CRYBG2: variants seen among roughly 807,000 people sequenced by gnomAD.
CRYBG2 encodes the protein crystallin beta-gamma domain containing 2.
A neutral mutation model predicts 153.4 loss-of-function variants in CRYBG2; 106 were observed. The ratio of observed to expected loss-of-function variants is 0.69; its 90% CI spans 0.59 to 0.81. CRYBG2 has a LOEUF of 0.81. CRYBG2 is among the 30% of genes least tolerant of loss of function. The pLI is 0.00. For synonymous variants in CRYBG2, 851 were observed against 877.8 expected (o/e 0.97, Z 0.54); for missense variants, 1,996 against 2,112.0 (o/e 0.95, Z 1.08).
chr1:26,340,004 G>A (rs941675257), intron 5 of CRYBG2, among the ~76,000 whole-genome samples: 5 of 152,212 alleles, frequency 3.3e-5, no homozygotes, highest in African/African-American at 1.2e-4. Flanking sequence ...CAGGCCCATA[G>A]CCTTGCCTCT....
At position 26,345,638 on chromosome 1, in the gene CRYBG2, G is replaced by C; in HGVS notation, c.1020C>G (p.Leu340=). The part of the protein sequence containing the change: ...QVLGAPSSTE[L]PLQTSQGQAS... ...CTTGACCCTGAGAAGTCTGGAGAGG[G>C]AGCTCAGTGGAACTGGGGGCTCCCA... Residue 340 remains leucine (L), a synonymous_variant, in exon 2 of 20, where the codon CTC becomes CTG. Coordinates refer to ENST00000308182, the MANE Select transcript of CRYBG2 (RefSeq NM_001039775.4). The C allele has an allele frequency of 6.3e-7, 1 of 1,599,124 alleles. No individual in the cohort carries two copies. Among genetic ancestry groups the C allele is most frequent in the Non-Finnish European group, 8.5e-7 (1 of 1,179,788 alleles).
At chr1:26,329,077 C>G (rs956004263) in intron 15 of CRYBG2, among the ~76,000 whole-genome samples, 1 of 152,020 alleles carries the variant, frequency 6.6e-6, no homozygotes, top group Non-Finnish European at 1.5e-5. Context: ...GGCTGGGTCC[C>G]CAGTTTCCCC....
At chr1:26,347,307 T>G (rs2074236307) in intron 1 of CRYBG2, among the ~76,000 whole-genome samples, 1 of 143,992 alleles carries the variant, frequency 6.9e-6, no homozygotes, top group Non-Finnish European at 1.5e-5. Context: ...TTTTTTTTTT[T>G]TTGTGAGACA....
intron 18 of CRYBG2, among the ~76,000 whole-genome samples, chr1:26,323,505 G>A (rs1311279035): frequency 2.0e-5 from 3 of 152,132 alleles, no homozygotes; most frequent in Admixed American, 2.0e-4. Context: ...GCTTCAGGAC[G>A]GCAGGTGTCA....
intron 1 of CRYBG2, among the ~76,000 whole-genome samples, chr1:26,348,494 A>G (rs960907307): frequency 5.9e-5 from 9 of 152,142 alleles, no homozygotes; most frequent in Non-Finnish European, 1.2e-4. Context: ...CCAGGCTGCA[A>G]TGAGCTATGA....
chr1:26,343,698 C>A lies in CRYBG2; in HGVS notation c.2913+47G>T. Reference sequence around the variant, plus strand: ...CTCTTCACACCACTCAAGCCTTGACCCAGGTGAGGCCAGGCACCTCCCTTG... The same window carrying A: ...CTCTTCACACCACTCAAGCCTTGACACAGGTGAGGCCAGGCACCTCCCTTG... On this transcript the variant is annotated intron_variant, in intron 2 of 19. Coordinates refer to ENST00000308182, the MANE Select transcript of CRYBG2 (RefSeq NM_001039775.4). This position sits in a 1 kb window ranked among gnomAD's most constrained non-coding sequence, Gnocchi z 4.1. 1 of 1,438,942 alleles carries A rather than the reference C, an allele frequency of 6.9e-7. No individual in the cohort carries two copies. The allele number at this position is 1,438,942 out of a possible 1,614,324, so 89.1% of individuals were successfully genotyped here.
At chr1:26,339,832 C>A (rs559096550) in intron 5 of CRYBG2, among the ~76,000 whole-genome samples, 40 of 152,318 alleles carry the variant, frequency 2.6e-4, no homozygotes, top group African/African-American at 8.9e-4. Context: ...CTCCAAATAG[C>A]TTCTGAGAAA....
chr1:26,331,584 C>A lies in CRYBG2; in HGVS notation c.4219G>T (p.Asp1407Tyr). The change falls in exon 15 of 20, where the codon GAC becomes TAC. Residue 1407 changes from aspartate to tyrosine, a missense_variant. Physicochemically the swap from Asp to Tyr is radical, Grantham distance 160. Coordinates refer to ENST00000308182, the MANE Select transcript of CRYBG2 (RefSeq NM_001039775.4). ...TCGCCCTCAGAGAGAATGTGCTGGT[C>A]ACCCTCGAAGTTCGTCTCATCAAAC... is the stretch of plus-strand genomic sequence containing the variant. ...ILFDETNFEG[D>Y]QHILSEGEFP... The A allele has an allele frequency of 6.2e-7, 1 of 1,614,060 alleles. No homozygotes were observed. The highest frequency in any genetic ancestry group is 1.7e-5 in the Admixed American group (1 of 60,018).
chr1:26,334,819 C>A (rs911605597), intron 14 of CRYBG2, among the ~76,000 whole-genome samples: 3 of 151,558 alleles, frequency 2.0e-5, no homozygotes, highest in Admixed American at 1.3e-4. Flanking sequence ...GCTACTCAGG[C>A]GGCTGAAGCA....
intron 15 of CRYBG2, 102 bp downstream of exon 15, chr1:26,331,387 C>G (rs2073994679): frequency 6.6e-7 from 1 of 1,503,922 alleles, no homozygotes; most frequent in East Asian, 2.3e-5. Flanking sequence ...TCTAAAAACA[C>G]TGGAATCAAC....
chr1:26,349,316 G>A (rs1351313834), intron 1 of CRYBG2, among the ~76,000 whole-genome samples: 10 of 152,188 alleles, frequency 6.6e-5, no homozygotes, highest in East Asian at 5.8e-4. Context: ...CAGAGAAGAC[G>A]AGTGACTGGC....
Position 26,345,656 on chromosome 1 carries a change from G to T in CRYBG2, c.1002C>A (p.Ala334=), listed in dbSNP as rs750958122. ...RACELWQVLG[A]PSSTELPLQT... is the part of the protein sequence containing the mutation. ...GGAGAGGGAGCTCAGTGGAACTGGG[G>T]GCTCCCAGCACCTGCCAGAGCTCAC... The change falls in exon 2 of 20, where the codon GCC becomes GCA. Residue 334 remains alanine (A), a synonymous_variant. Coordinates refer to ENST00000308182, the MANE Select transcript of CRYBG2 (RefSeq NM_001039775.4). 1 of 1,598,802 alleles carries T rather than the reference G, an allele frequency of 6.3e-7. No homozygotes were observed. The highest frequency in any genetic ancestry group is 1.1e-5 in the South Asian group (1 of 91,072).
At chr1:26,348,527 G>T (rs72649368) in intron 1 of CRYBG2, among the ~76,000 whole-genome samples, 38,120 of 152,014 alleles carry the variant, frequency 0.25, 5,104 homozygotes, top group Non-Finnish European at 0.3. Flanking sequence ...ACTCCAGCCT[G>T]AGTGACAGAG....
intron 14 of CRYBG2, among the ~76,000 whole-genome samples, chr1:26,335,402 G>A (rs1187087736): frequency 6.6e-6 from 1 of 152,106 alleles, no homozygotes; most frequent in African/African-American, 2.4e-5. Context: ...GCTTGAACCT[G>A]GGAGGCGGAG....
chr1:26,339,244 C>A, intron 6 of CRYBG2, 46 bp downstream of exon 6: 1 of 1,589,756 alleles, frequency 6.3e-7, no homozygotes, highest in Non-Finnish European at 8.6e-7. Context: ...CAGCACCCAG[C>A]ACAGTGAATG....
chr1:26,341,749 G>A (rs1355083014), intron 5 of CRYBG2, among the ~76,000 whole-genome samples: 1 of 152,188 alleles, frequency 6.6e-6, no homozygotes, highest in Non-Finnish European at 1.5e-5. Flanking sequence ...GCCTCCCAAA[G>A]TGCTGGGATT....
At chr1:26,342,638 A>T in intron 5 of CRYBG2, 116 bp downstream of exon 5, 1 of 1,471,478 alleles carries the variant, frequency 6.8e-7, no homozygotes, top group Non-Finnish European at 9.1e-7. Context: ...TCCTCAGCCG[A>T]TCCACCTGCC....
intron 17 of CRYBG2, 101 bp from the exon 18 acceptor site, chr1:26,324,411 C>A (rs1280059360): frequency 1.5e-6 from 2 of 1,309,666 alleles, no homozygotes; most frequent in Admixed American, 5.5e-5. Flanking sequence ...GCTCCCAAGC[C>A]CTCCCTCCTG....
rs199784730 is a variant in CRYBG2 at position 26,344,159 on chromosome 1, T to TTCCTCC, written c.2493_2498dup (p.Glu832_Glu833dup). On this transcript the variant is annotated inframe_insertion, in exon 2 of 20. Transcript: ENST00000308182. ...CGTCACTCAGATAGGGGTTCTCTGG[T>TTCCTCC]TCCTCCTCCTCCTCCTCCTCTTTCT... 6.5e-6 allele frequency: 10 copies of TTCCTCC among 1,535,092 alleles called. No homozygotes were observed. Among genetic ancestry groups the TTCCTCC allele is most frequent in the East Asian group, 2.4e-5 (1 of 40,908 alleles).
Sources: allele counts gnomAD v4.1 joint callset (sites outside exome capture counted in the v4.1 genomes callset), GRCh38; gene constraint gnomAD v4.1.1; non-coding constraint Gnocchi (gnomAD v3.1); transcripts MANE v1.5; gene names NCBI Gene and HGNC (gene_info 2026-07-23, HGNC 2026-07-21).